The following STXBP6 variants were observed in gnomAD, a reference collection of about 807,000 sequenced individuals.
STXBP6 encodes the protein syntaxin-binding protein 6.
In STXBP6, 21 loss-of-function variants were observed where a neutral mutation model predicts 26.9. The observed-to-expected ratio is 0.78, with a 90% CI of 0.55 to 1.12. The LOEUF is 1.12. Ranked by LOEUF, STXBP6 falls within the 50% of genes most tolerant of loss-of-function variation. The pLI is 0.00. For synonymous variants in STXBP6, 97 were observed against 92.6 expected (o/e 1.05, Z -0.27); for missense variants, 232 against 257.9 (o/e 0.90, Z 0.69).
Position 25,049,019 on chromosome 14 carries a change from G to A in STXBP6, c.-33+859C>T, listed in dbSNP as rs2075766072. On this transcript the variant is annotated intron_variant, in intron 1 of 5. Coordinates refer to ENST00000323944, the MANE Select transcript of STXBP6 (RefSeq NM_001394410.1). This position sits in a 1 kb window ranked among gnomAD's most constrained non-coding sequence, Gnocchi z 5.6. ...GCGTAATAGGAAGGGGAGAAGGTTC[G>A]TTATGAAATCCTGGGGCCAGAACCA... 3.0e-6 allele frequency: 1 copy of A among 337,620 alleles called. No homozygotes were observed. The highest frequency in any genetic ancestry group is 2.2e-5 in the African/African-American group (1 of 45,010). The allele number at this position is 337,620 out of a possible 1,614,324, so 20.9% of individuals were successfully genotyped here.
chr14:24,827,992 A>T (rs2068339098), intron 4 of STXBP6, among the ~76,000 whole-genome samples: 1 of 152,114 alleles, frequency 6.6e-6, no homozygotes, highest in South Asian at 2.1e-4. Flanking sequence ...CATTGCATCC[A>T]GCTCTGTCCC....
At chr14:25,021,147 C>T (rs142350000) in intron 1 of STXBP6, among the ~76,000 whole-genome samples, 119 of 152,314 alleles carry the variant, frequency 7.8e-4, no homozygotes, top group African/African-American at 2.5e-3. Flanking sequence ...GCCATCTCAT[C>T]CAGCAACTTC....
At position 25,004,424 on chromosome 14, in the gene STXBP6, T is replaced by C. The variant is rs548135889; in HGVS notation, c.-32-29574A>G. ...TGCTCAAGGGTCTATGTGAGAATTA[T>C]ACACATGGGGGAGGGAAGGGCAATA... On this transcript the variant is annotated intron_variant, in intron 1 of 5. Coordinates refer to ENST00000323944, the MANE Select transcript of STXBP6 (RefSeq NM_001394410.1). Among the ~76,000 whole-genome samples, 20 of 152,358 alleles carry C rather than the reference T, an allele frequency of 1.3e-4. No individual in the cohort carries two copies. In the East Asian group the frequency reaches 3.3e-3, roughly 25 times the overall value.
At chr14:25,007,568 T>A (rs1476052573) in intron 1 of STXBP6, among the ~76,000 whole-genome samples, 2 of 152,184 alleles carry the variant, frequency 1.3e-5, no homozygotes, top group African/African-American at 4.8e-5. Flanking sequence ...GTCTGACATA[T>A]TTAACTTCTG....
chr14:24,945,610 C>A (rs1231032005), intron 2 of STXBP6, among the ~76,000 whole-genome samples: 3 of 151,916 alleles, frequency 2.0e-5, no homozygotes, highest in African/African-American at 7.2e-5. Flanking sequence ...ACTACCCCTA[C>A]AAACAAGGCA....
intron 2 of STXBP6, among the ~76,000 whole-genome samples, chr14:24,931,896 C>T (rs1348653831): frequency 6.6e-6 from 1 of 151,940 alleles, no homozygotes. Flanking sequence ...AGGAGGCTAA[C>T]AAAATACACA....
intron 2 of STXBP6, among the ~76,000 whole-genome samples, chr14:24,963,289 C>T (rs986056468): frequency 6.6e-6 from 1 of 152,114 alleles, no homozygotes; most frequent in Non-Finnish European, 1.5e-5. Context: ...CAGACGAGGG[C>T]GGCTAATGCT....
chr14:24,890,388 C>T (rs868025416), intron 2 of STXBP6, among the ~76,000 whole-genome samples: 1 of 152,214 alleles, frequency 6.6e-6, no homozygotes, highest in Non-Finnish European at 1.5e-5. Context: ...AGATCCTCAA[C>T]ATCTGAATAA....
chr14:24,859,779 A>C (rs1016423085), intron 2 of STXBP6, among the ~76,000 whole-genome samples: 1 of 152,186 alleles, frequency 6.6e-6, no homozygotes, highest in African/African-American at 2.4e-5. Flanking sequence ...TATGGCTTCA[A>C]CATTCACAGG....
intron 2 of STXBP6, among the ~76,000 whole-genome samples, chr14:24,872,603 GAGT>G (rs1284261397): frequency 6.6e-6 from 1 of 152,214 alleles, no homozygotes; most frequent in Non-Finnish European, 1.5e-5. Flanking sequence ...TACAAGGATA[GAGT>G]GAATGCCTCT....
At chr14:24,979,742 A>C (rs2074138640) in intron 1 of STXBP6, among the ~76,000 whole-genome samples, 1 of 152,072 alleles carries the variant, frequency 6.6e-6, no homozygotes, top group Admixed American at 6.5e-5. Context: ...ACCAATCACC[A>C]AGTCCTGTGG....
At chr14:24,994,276 C>T (rs781110686) in intron 1 of STXBP6, among the ~76,000 whole-genome samples, 4 of 152,162 alleles carry the variant, frequency 2.6e-5, no homozygotes, top group Non-Finnish European at 5.9e-5. Context: ...CTGTACATGG[C>T]ATCTACTGTG....
In STXBP6 at chr14:25,049,136, G is replaced by A. The variant is rs2075767398; in HGVS notation, c.-33+742C>T. 2.0e-6 allele frequency: 2 copies of A among 982,098 alleles called. No individual in the cohort carries two copies. Among genetic ancestry groups the A allele is most frequent in the South Asian group, 4.7e-5 (1 of 21,214 alleles). The allele number at this position is 982,098 out of a possible 1,614,324, so 60.8% of individuals were successfully genotyped here. ...GGTCCTGTCCTCTGTGAAGATGAACGGGGTGGGGTGGTGAGGTGGCGGGGT... is the reference window on the plus strand; with the variant it reads ...GGTCCTGTCCTCTGTGAAGATGAACAGGGTGGGGTGGTGAGGTGGCGGGGT... On this transcript the variant is annotated intron_variant, in intron 1 of 5. Transcript: ENST00000323944. The surrounding 1 kb of genome is among the most constrained non-coding windows in gnomAD (Gnocchi z 5.6).
chr14:25,015,199 C>T (rs1410359193), intron 1 of STXBP6, among the ~76,000 whole-genome samples: 3 of 151,974 alleles, frequency 2.0e-5, no homozygotes, highest in Admixed American at 2.0e-4. Flanking sequence ...TTTTTCTCTA[C>T]AAAATAAAAG....
At chr14:24,977,440 T>C (rs373451401) in intron 1 of STXBP6, among the ~76,000 whole-genome samples, 11 of 151,966 alleles carry the variant, frequency 7.2e-5, no homozygotes, top group African/African-American at 2.4e-4. Flanking sequence ...AGAGAGAGAA[T>C]AGATAAAGCC....
chr14:24,992,554 C>T (rs1258224881), intron 1 of STXBP6, among the ~76,000 whole-genome samples: 4 of 152,164 alleles, frequency 2.6e-5, no homozygotes, highest in South Asian at 2.1e-4. Context: ...GGTATAGCTA[C>T]TCAACTCTGC....
chr14:24,892,265 G>A (rs1248503125), intron 2 of STXBP6, among the ~76,000 whole-genome samples: 4 of 151,956 alleles, frequency 2.6e-5, no homozygotes, highest in African/African-American at 9.7e-5. Context: ...AAACAAGGAG[G>A]AAAGTGGGGG....
chr14:24,959,878 G>T (rs1316473991), intron 2 of STXBP6, among the ~76,000 whole-genome samples: 1 of 152,140 alleles, frequency 6.6e-6, no homozygotes, highest in Non-Finnish European at 1.5e-5. Flanking sequence ...AGTACAAAAG[G>T]CCAAGAAGCT....
At chr14:24,940,676 T>A (rs886875379) in intron 2 of STXBP6, among the ~76,000 whole-genome samples, 4 of 152,012 alleles carry the variant, frequency 2.6e-5, no homozygotes, top group Admixed American at 2.6e-4. Flanking sequence ...CACGGCAACT[T>A]CCCCCACTCT....
Sources: gnomAD v4.1 joint callset for allele counts (sites outside exome capture counted in the v4.1 genomes callset) on GRCh38, gnomAD v4.1.1 for gene constraint, Gnocchi (gnomAD v3.1) non-coding constraint, MANE v1.5 for transcripts, NCBI Gene and HGNC (gene_info 2026-07-23, HGNC 2026-07-21) for gene names.